AATF: variants seen among roughly 807,000 people sequenced by gnomAD.
AATF encodes apoptosis antagonizing transcription factor, also known as protein AATF.
AATF carries 48 observed loss-of-function variants against 63.7 expected under a neutral mutation model. The observed-to-expected ratio is 0.75, with a 90% CI of 0.60 to 0.96. The LOEUF is 0.96. AATF is among the 40% of genes least tolerant of loss of function. The probability of loss-of-function intolerance (pLI) is 0.00; values close to 1 mark genes in which losing one functional copy is unlikely to be tolerated. For missense variants in AATF, 639 were observed against 685.7 expected, an observed-to-expected ratio of 0.93 and a Z score of 0.76; for synonymous variants, 258 against 247.7, an observed-to-expected ratio of 1.04 and a Z score of -0.39.
At chr17:36,967,498 T>A (rs1597703680) in intron 4 of AATF, among the ~76,000 whole-genome samples, 1 of 152,340 alleles carries the variant, frequency 6.6e-6, no homozygotes. Flanking sequence ...GTTCCTTAAG[T>A]CTCTCCCAGA....
intron 8 of AATF, among the ~76,000 whole-genome samples, chr17:36,996,310 C>T (rs1047054098): frequency 2.6e-5 from 4 of 152,102 alleles, no homozygotes; most frequent in African/African-American, 9.7e-5. Context: ...TGGCACTTGC[C>T]TGTAATCTCA....
In AATF at chr17:37,001,455, G is replaced by GAAA. The variant is rs200318079; in HGVS notation, c.1398+10610_1398+10612dup. Reference sequence around the variant, plus strand: ...AGGAAGGAAGGAAGGAAGGAAGGAAGAAAAAAAAAAAAAAGGAACATAAAA... The same window carrying GAAA: ...AGGAAGGAAGGAAGGAAGGAAGGAAGAAAAAAAAAAAAAAAAAGGAACATAAAA... On this transcript the variant is annotated intron_variant, in intron 8 of 11. Transcript: ENST00000619387. 1.2e-4 allele frequency among the ~76,000 whole-genome samples: 9 copies of GAAA among 72,932 alleles called. No individual in the cohort carries two copies. In the South Asian group the frequency reaches 3.6e-3, roughly 29 times the overall value. 47.8% of individuals were successfully genotyped at this position (72,932 alleles called of 152,430 possible). A position where few individuals can be genotyped will look rare whatever the true frequency, so the allele number is the denominator to read the frequency against.
rs192673188 is a variant in AATF, at chr17:36,960,172, C to T, written c.832+6265C>T. 5.8e-4 allele frequency among the ~76,000 whole-genome samples: 88 copies of T among 152,228 alleles called. No homozygotes were observed. The Middle Eastern group carries it at 0.017, about 29-fold the overall frequency. On this transcript the variant is annotated intron_variant, in intron 4 of 11. Coordinates refer to ENST00000619387, the MANE Select transcript of AATF (RefSeq NM_012138.4). ...GGGAGTACAGGCATGCAGCACCACG[C>T]CCAGCTAATTTTTGTATTTGTAGTA...
intron 8 of AATF, among the ~76,000 whole-genome samples, chr17:37,014,229 C>T (rs2071412832): frequency 6.6e-6 from 1 of 151,608 alleles, no homozygotes; most frequent in African/African-American, 2.4e-5. Flanking sequence ...GATTGCACCA[C>T]TGCACTCCAG....
intron 4 of AATF, among the ~76,000 whole-genome samples, chr17:36,970,820 C>T (rs1452381904): frequency 6.6e-6 from 1 of 151,858 alleles, no homozygotes; most frequent in African/African-American, 2.4e-5. Context: ...CATGAGCCAC[C>T]ATTCCCGGCC....
intron 4 of AATF, among the ~76,000 whole-genome samples, chr17:36,969,004 T>C (rs971223461): frequency 1.3e-5 from 2 of 152,240 alleles, no homozygotes; most frequent in African/African-American, 2.4e-5. Context: ...TTTTTTGCTT[T>C]CGCTTTAACT....
In AATF at chr17:37,047,069, A is replaced by G. The variant is rs534381102; in HGVS notation, c.1620-9532A>G. ...AGCAAGGCAGAGAGCTCTGCATCCC[A>G]GGTCCGGAATAAAAATAAATAAAAA... On this transcript the variant is annotated intron_variant, in intron 11 of 11. Coordinates refer to ENST00000619387, the MANE Select transcript of AATF (RefSeq NM_012138.4). 1.4e-4 allele frequency among the ~76,000 whole-genome samples: 21 copies of G among 152,304 alleles called. 1 individual carries two copies. The South Asian group carries it at 3.9e-3, about 29-fold the overall frequency.
chr17:37,000,803 A>G (rs1461333996), intron 8 of AATF, among the ~76,000 whole-genome samples: 1 of 152,172 alleles, frequency 6.6e-6, no homozygotes, highest in Non-Finnish European at 1.5e-5. Context: ...GATGTAAGAG[A>G]GAATAAAGGA....
rs571476618 is a variant in AATF, at chr17:36,986,992, C to T, written c.947+261C>T. Among the ~76,000 whole-genome samples, 3 of 152,072 alleles carry T rather than the reference C, an allele frequency of 2.0e-5. No individual in the cohort carries two copies. The East Asian group carries it at 5.8e-4, about 29-fold the overall frequency. ...ATCTATTGGAATTAGAAGATAAAAGCACTTTGTTTTTTAGAGATGGGGTCT... is the reference window on the plus strand; with the variant it reads ...ATCTATTGGAATTAGAAGATAAAAGTACTTTGTTTTTTAGAGATGGGGTCT... On this transcript the variant is annotated intron_variant, in intron 5 of 11. Coordinates refer to ENST00000619387, the MANE Select transcript of AATF (RefSeq NM_012138.4).
At chr17:36,956,986 AAAAG>A (rs377342948) in intron 4 of AATF, among the ~76,000 whole-genome samples, 35 of 152,138 alleles carry the variant, frequency 2.3e-4, no homozygotes, top group East Asian at 1.2e-3. Context: ...CCCGAAAAAA[AAAAG>A]AGAGAGAGAG....
intron 4 of AATF, among the ~76,000 whole-genome samples, chr17:36,961,694 CAG>C (rs2070948484): frequency 6.7e-6 from 1 of 150,196 alleles, no homozygotes; most frequent in African/African-American, 2.5e-5. Flanking sequence ...TTTTTGGAGA[CAG>C]AGTTTTCACT....
intron 11 of AATF, among the ~76,000 whole-genome samples, chr17:37,048,002 A>G (rs1390214503): frequency 6.6e-6 from 1 of 152,194 alleles, no homozygotes; most frequent in African/African-American, 2.4e-5. Flanking sequence ...TCCTGTTAAG[A>G]AATAAGTCTT....
intron 4 of AATF, among the ~76,000 whole-genome samples, chr17:36,959,257 A>G (rs989489329): frequency 6.6e-6 from 1 of 152,252 alleles, no homozygotes; most frequent in African/African-American, 2.4e-5. Context: ...CAGCCTGGCC[A>G]ACATAATGAA....
chr17:36,989,969 G>A (rs1169940998), intron 7 of AATF, among the ~76,000 whole-genome samples: 2 of 126,556 alleles, frequency 1.6e-5, no homozygotes, highest in Non-Finnish European at 1.9e-5. Context: ...GCCTGTTAAC[G>A]TAACTCCTGA....
At chr17:36,949,784 G>A (rs939006968) in intron 1 of AATF, among the ~76,000 whole-genome samples, 1 of 152,222 alleles carries the variant, frequency 6.6e-6, no homozygotes, top group African/African-American at 2.4e-5. Flanking sequence ...GTGTGAGAAA[G>A]GGATAATAAG....
chr17:36,970,313 A>G (rs776491025), intron 4 of AATF, among the ~76,000 whole-genome samples: 1 of 152,156 alleles, frequency 6.6e-6, no homozygotes, highest in South Asian at 2.1e-4. Flanking sequence ...TAATAATTGT[A>G]TAGGTAGGTT....
At chr17:37,017,831 A>G (rs1190088926) in intron 8 of AATF, among the ~76,000 whole-genome samples, 21 of 152,214 alleles carry the variant, frequency 1.4e-4, no homozygotes, top group Non-Finnish European at 1.2e-4. Flanking sequence ...GCCTACTTAC[A>G]TAAACATATG....
At chr17:37,053,427 G>A (rs2071770677) in intron 11 of AATF, among the ~76,000 whole-genome samples, 1 of 151,996 alleles carries the variant, frequency 6.6e-6, no homozygotes, top group East Asian at 1.9e-4. Context: ...TTTCAAAAGT[G>A]CTTTTATTTA....
At chr17:36,992,162 A>G (rs2071220524) in intron 8 of AATF, among the ~76,000 whole-genome samples, 1 of 152,220 alleles carries the variant, frequency 6.6e-6, no homozygotes, top group African/African-American at 2.4e-5. Flanking sequence ...AGAACAAGTG[A>G]TTTTATATTG....
Sources: gnomAD v4.1 joint callset for allele counts (sites outside exome capture counted in the v4.1 genomes callset) on GRCh38, gnomAD v4.1.1 for gene constraint, MANE v1.5 for transcripts, NCBI Gene and HGNC (gene_info 2026-07-23, HGNC 2026-07-21) for gene names.